The following XKR4 variants were observed in gnomAD, a reference collection of about 807,000 sequenced individuals.
XKR4 encodes the protein XK-related protein 4.
In XKR4, 12 loss-of-function variants were observed where a neutral mutation model predicts 53.9. The observed-to-expected ratio is 0.22, with a 90% CI of 0.14 to 0.36. The LOEUF is 0.36. Ranked by LOEUF, XKR4 falls within the 10% of genes least tolerant of loss-of-function variation. The pLI is 1.00. For synonymous variants in XKR4, 354 were observed against 362.4 expected, an observed-to-expected ratio of 0.98 and a Z score of 0.26; for missense variants, 799 against 859.5, an observed-to-expected ratio of 0.93 and a Z score of 0.88.
intron 1 of XKR4, among the ~76,000 whole-genome samples, chr8:55,129,602 A>G (rs986451549): frequency 2.6e-5 from 4 of 152,170 alleles, no homozygotes; most frequent in African/African-American, 9.7e-5. Flanking sequence ...AGAGTGGTGG[A>G]CAGACTCGGG....
Position 55,102,209 on chromosome 8 carries a change from C to G in XKR4, c.-280C>G, listed in dbSNP as rs1188615713. On this transcript the variant is annotated 5_prime_UTR_variant, in exon 1 of 3. Coordinates refer to ENST00000327381, the MANE Select transcript of XKR4 (RefSeq NM_052898.2). This position sits in a 1 kb window ranked among gnomAD's most constrained non-coding sequence, Gnocchi z 5.1. ...CCGGGACGGCGAGGAGCGCGGGCGGCGGGCAGGGGCGCGCGCGGGGCGCCG... is the reference window on the plus strand; with the variant it reads ...CCGGGACGGCGAGGAGCGCGGGCGGGGGGCAGGGGCGCGCGCGGGGCGCCG... Among the ~76,000 whole-genome samples the G allele has an allele frequency of 6.8e-6, 1 of 146,102 alleles. No individual in the cohort carries two copies. Among genetic ancestry groups the G allele is most frequent in the Middle Eastern group, 3.5e-3 (1 of 288 alleles).
intron 2 of XKR4, among the ~76,000 whole-genome samples, chr8:55,481,066 A>G (rs1806094371): frequency 6.6e-6 from 1 of 152,200 alleles, no homozygotes; most frequent in African/African-American, 2.4e-5. Flanking sequence ...TTCATATGGA[A>G]CCAAAAAAGA....
intron 2 of XKR4, among the ~76,000 whole-genome samples, chr8:55,366,379 C>G (rs1181350488): frequency 2.0e-5 from 3 of 152,188 alleles, no homozygotes; most frequent in Admixed American, 6.5e-5. Flanking sequence ...GAGGTGAAGG[C>G]CTGAAAGGCT....
At chr8:55,365,750 C>T (rs955002417) in intron 2 of XKR4, among the ~76,000 whole-genome samples, 8 of 147,230 alleles carry the variant, frequency 5.4e-5, no homozygotes, top group East Asian at 4.0e-4. Flanking sequence ...GAGGAATGGG[C>T]GGCACAGGTG....
chr8:55,222,214 C>A (rs1817890511), intron 1 of XKR4, among the ~76,000 whole-genome samples: 1 of 152,146 alleles, frequency 6.6e-6, no homozygotes, highest in Non-Finnish European at 1.5e-5. Flanking sequence ...TAAACCATGA[C>A]CCAGGGAAAC....
chr8:55,225,125 C>T (rs16921446), intron 1 of XKR4, among the ~76,000 whole-genome samples: 35,966 of 152,096 alleles, frequency 0.24, 4,727 homozygotes, highest in East Asian at 0.47. Context: ...TGTCTCACTT[C>T]GTATTTATGC....
chr8:55,247,863 T>TTCTTTCTTTCTTTC (rs1585965435), intron 1 of XKR4, among the ~76,000 whole-genome samples: 2 of 23,700 alleles, frequency 8.4e-5, no homozygotes, highest in Non-Finnish European at 5.4e-4. Flanking sequence ...TTCTTTTTTT[T>TTCTTTCTTTCTTTC]TTTTTTTTTT....
chr8:55,107,756 G>A (rs931102961), intron 1 of XKR4, among the ~76,000 whole-genome samples: 14 of 152,148 alleles, frequency 9.2e-5, no homozygotes, highest in African/African-American at 3.1e-4. Context: ...ATTAAAAAAG[G>A]TGGTCTTCAA....
rs145085927 is a variant in XKR4 at position 55,528,722 on chromosome 8, C to T, written c.*4495C>T. On this transcript the variant is annotated 3_prime_UTR_variant, in exon 3 of 3. Transcript: ENST00000327381. ...GTGGTCATTCCTATAATTTCAGTGACAGATGCAGATCAACGTTCCTTTGTC... is the reference window on the plus strand; with the variant it reads ...GTGGTCATTCCTATAATTTCAGTGATAGATGCAGATCAACGTTCCTTTGTC... 2 of 152,258 alleles carry T rather than the reference C, an allele frequency of 1.3e-5. No individual in the cohort carries two copies. The highest frequency in any genetic ancestry group is 3.9e-4 in the East Asian group (2 of 5,190). The allele number at this position is 152,258 out of a possible 1,614,324, so 9.4% of individuals were successfully genotyped here.
intron 1 of XKR4, among the ~76,000 whole-genome samples, chr8:55,187,304 C>CAAAAA (rs1370095846): frequency 2.5e-5 from 1 of 40,302 alleles, no homozygotes. Flanking sequence ...GTTTCCAGGA[C>CAAAAA]CAAAAAAAAA....
intron 1 of XKR4, among the ~76,000 whole-genome samples, chr8:55,203,473 T>C (rs977232051): frequency 2.0e-5 from 3 of 152,192 alleles, no homozygotes; most frequent in Non-Finnish European, 4.4e-5. Context: ...GGTGGTTAGA[T>C]TTCATAAGAG....
chr8:55,181,320 A>T (rs1346448638), intron 1 of XKR4, among the ~76,000 whole-genome samples: 1 of 152,098 alleles, frequency 6.6e-6, no homozygotes, highest in Non-Finnish European at 1.5e-5. Flanking sequence ...TGCATCCCAC[A>T]GGTGTTCTCT....
rs1816052869 is a variant in XKR4 at position 55,102,292 on chromosome 8, C to G, written c.-197C>G. Reference sequence around the variant, plus strand: ...GGCGCTCCTGCCGGCCCCAGGCGCGCCGCTAGCCCGGCCCAGCGCCCAGCC... The same window carrying G: ...GGCGCTCCTGCCGGCCCCAGGCGCGGCGCTAGCCCGGCCCAGCGCCCAGCC... On this transcript the variant is annotated 5_prime_UTR_variant, in exon 1 of 3. Transcript: ENST00000327381. The surrounding 1 kb of genome is among the most constrained non-coding windows in gnomAD (Gnocchi z 5.1). The G allele has an allele frequency of 1.4e-6, 1 of 703,302 alleles. No homozygotes were observed. Among genetic ancestry groups the G allele is most frequent in the Non-Finnish European group, 1.7e-6 (1 of 573,488 alleles). The allele number at this position is 703,302 out of a possible 1,614,324, so 43.6% of individuals were successfully genotyped here. A position where few individuals can be genotyped will look rare whatever the true frequency, so the allele number is the denominator to read the frequency against.
chr8:55,158,073 G>A (rs1816933732), intron 1 of XKR4, among the ~76,000 whole-genome samples: 2 of 152,198 alleles, frequency 1.3e-5, no homozygotes, highest in African/African-American at 4.8e-5. Context: ...TCTGTTTTAA[G>A]TTCTTTGAGA....
At chr8:55,221,412 G>A (rs145795960) in intron 1 of XKR4, among the ~76,000 whole-genome samples, 126 of 152,246 alleles carry the variant, frequency 8.3e-4, no homozygotes, top group African/African-American at 2.9e-3. Flanking sequence ...GTCCCCACAG[G>A]CTTCATTTGC....
intron 1 of XKR4, among the ~76,000 whole-genome samples, chr8:55,115,007 G>C: frequency 6.6e-6 from 1 of 152,168 alleles, no homozygotes; most frequent in East Asian, 1.9e-4. Flanking sequence ...CAAGGACAGA[G>C]CTGTGGGCTT....
At chr8:55,301,263 G>A in intron 1 of XKR4, among the ~76,000 whole-genome samples, 1 of 150,222 alleles carries the variant, frequency 6.7e-6, no homozygotes, top group East Asian at 2.0e-4. Flanking sequence ...TTTTGTCCTT[G>A]GGATAGTTTG....
At chr8:55,513,153 C>T (rs1441093087) in intron 2 of XKR4, among the ~76,000 whole-genome samples, 3 of 152,152 alleles carry the variant, frequency 2.0e-5, no homozygotes, top group Non-Finnish European at 4.4e-5. Context: ...ATGAATAACT[C>T]TGAATGTGGG....
chr8:55,404,981 G>C (rs1804662911), intron 2 of XKR4, among the ~76,000 whole-genome samples: 2 of 152,174 alleles, frequency 1.3e-5, no homozygotes, highest in Non-Finnish European at 2.9e-5. Flanking sequence ...TGACATCTTT[G>C]CAAAATGCCT....
Sources: gnomAD v4.1 joint callset for allele counts (sites outside exome capture counted in the v4.1 genomes callset) on GRCh38, gnomAD v4.1.1 for gene constraint, Gnocchi (gnomAD v3.1) non-coding constraint, MANE v1.5 for transcripts, NCBI Gene and HGNC (gene_info 2026-07-23, HGNC 2026-07-21) for gene names.